COL5A1: variants seen among roughly 807,000 people sequenced by gnomAD.
COL5A1 encodes collagen alpha-1(V) chain.
A neutral mutation model predicts 263.7 loss-of-function variants in COL5A1; 16 were observed. That is an observed-to-expected ratio of 0.06 (90% confidence interval 0.04 to 0.09). COL5A1 has a LOEUF of 0.09. Among genes scored for constraint, COL5A1 ranks in the 10% least tolerant of loss-of-function variants. The pLI is 1.00. For synonymous variants in COL5A1, 1,012 were observed against 1,004.5 expected, an observed-to-expected ratio of 1.01 and a Z score of -0.14; for missense variants, 2,036 against 2,540.5, an observed-to-expected ratio of 0.80 and a Z score of 4.27.
Position 134,821,784 on chromosome 9 carries a change from C to A in COL5A1, c.4555-313C>A, listed in dbSNP as rs1178247023. Among the ~76,000 whole-genome samples, 1 of 152,202 alleles carries A rather than the reference C, an allele frequency of 6.6e-6. No individual in the cohort carries two copies. The highest frequency in any genetic ancestry group is 1.9e-4 in the East Asian group (1 of 5,188). On this transcript the variant is annotated intron_variant, in intron 58 of 65. Transcript: ENST00000371817. This position sits in a 1 kb window ranked among gnomAD's most constrained non-coding sequence, Gnocchi z 4.2. Reference sequence around the variant, plus strand: ...TGTCAGGGCAGTGGTTTCTGTATTTCCAAATGAACGTGAAAAGAGGTGCTC... The same window carrying A: ...TGTCAGGGCAGTGGTTTCTGTATTTACAAATGAACGTGAAAAGAGGTGCTC...
chr9:134,679,358 A>G (rs1341001870), intron 1 of COL5A1, among the ~76,000 whole-genome samples: 102 of 37,690 alleles, frequency 2.7e-3, no homozygotes, highest in Middle Eastern at 0.019. Context: ...CTGCAGAGCT[A>G]GTTGGGGGCA....
chr9:134,777,607 A>G (rs914469876), intron 27 of COL5A1, among the ~76,000 whole-genome samples: 2 of 152,072 alleles, frequency 1.3e-5, no homozygotes, highest in African/African-American at 4.8e-5. Context: ...AGTTGGTCCC[A>G]TTCCTCCGAT....
At chr9:134,753,802 TC>T (rs1490435076) in intron 14 of COL5A1, 47 bp from the exon 15 acceptor site, 2 of 1,309,698 alleles carry the variant, frequency 1.5e-6, no homozygotes, top group Non-Finnish European at 2.2e-6. Flanking sequence ...TCCTGTGTTC[TC>T]GAGTCCCCAC....
At chr9:134,768,018 G>A (rs1836737107) in intron 24 of COL5A1, among the ~76,000 whole-genome samples, 1 of 152,224 alleles carries the variant, frequency 6.6e-6, no homozygotes, top group Non-Finnish European at 1.5e-5. Context: ...AGGATGCCCT[G>A]CCCTGCCCTG....
intron 4 of COL5A1, among the ~76,000 whole-genome samples, chr9:134,721,333 TC>T (rs1430321621): frequency 7.1e-6 from 1 of 140,294 alleles, no homozygotes; most frequent in Non-Finnish European, 1.5e-5. Flanking sequence ...CCCTGTAACC[TC>T]CCCATAGTAC....
In COL5A1 at chr9:134,652,299, G is replaced by A. The variant is rs375857587; in HGVS notation, c.109+10003G>A. On this transcript the variant is annotated intron_variant, in intron 1 of 65. Transcript: ENST00000371817. The surrounding 1 kb of genome is among the most constrained non-coding windows in gnomAD (Gnocchi z 4.4). Reference sequence around the variant, plus strand: ...CAGGGCGTCCTTGGGCCGGTGTGGCGGTAACAGTGAGCTGGTGACAGCAGG... The same window carrying A: ...CAGGGCGTCCTTGGGCCGGTGTGGCAGTAACAGTGAGCTGGTGACAGCAGG... Among the ~76,000 whole-genome samples the A allele has an allele frequency of 6.6e-6, 1 of 151,920 alleles. No individual in the cohort carries two copies. Among genetic ancestry groups the A allele is most frequent in the Admixed American group, 6.6e-5 (1 of 15,256 alleles).
chr9:134,785,907 G>A, intron 30 of COL5A1, 88 bp from the exon 31 acceptor site: 1 of 1,269,024 alleles, frequency 7.9e-7, no homozygotes, highest in Non-Finnish European at 1.1e-6. Context: ...CCAGGCCCCT[G>A]CCAGAACGCA....
chr9:134,761,134 C>T (rs1282112839), intron 18 of COL5A1, among the ~76,000 whole-genome samples: 1 of 151,246 alleles, frequency 6.6e-6, no homozygotes, highest in Non-Finnish European at 1.5e-5. Flanking sequence ...CTCATACCCC[C>T]ACATGCATAC....
At chr9:134,650,140 A>T (rs1831625167) in intron 1 of COL5A1, among the ~76,000 whole-genome samples, 1 of 152,222 alleles carries the variant, frequency 6.6e-6, no homozygotes. Flanking sequence ...CCTGTGTAAC[A>T]AACCTGTGCG....
chr9:134,719,185 C>G (rs1336268618), intron 4 of COL5A1, among the ~76,000 whole-genome samples: 22 of 152,224 alleles, frequency 1.4e-4, no homozygotes. Flanking sequence ...GTGCCACACA[C>G]ATGCATACCT....
intron 4 of COL5A1, among the ~76,000 whole-genome samples, chr9:134,714,877 G>A (rs3124296): frequency 6.9e-6 from 1 of 144,862 alleles, no homozygotes; most frequent in African/African-American, 2.6e-5. Context: ...GATGGTAGTG[G>A]TGGTGATGCT....
chr9:134,768,065 G>T (rs966885522), intron 24 of COL5A1, among the ~76,000 whole-genome samples: 21 of 152,222 alleles, frequency 1.4e-4, no homozygotes, highest in African/African-American at 4.8e-4. Flanking sequence ...GGACAGGGTG[G>T]TGGGAGCACT....
chr9:134,733,326 T>C (rs1834973026), intron 9 of COL5A1, among the ~76,000 whole-genome samples: 1 of 152,196 alleles, frequency 6.6e-6, no homozygotes, highest in African/African-American at 2.4e-5. Flanking sequence ...GCAGACGGGA[T>C]GTGTCCCATC....
chr9:134,780,123 C>A lies in COL5A1; in HGVS notation c.2407C>A (p.Leu803Met). 1.2e-6 allele frequency: 2 copies of A among 1,613,464 alleles called. No homozygotes were observed. Among genetic ancestry groups the A allele is most frequent in the Non-Finnish European group, 1.7e-6 (2 of 1,180,036 alleles). Residue 803 changes from leucine to methionine, a missense_variant, in exon 28 of 66, where the codon CTG becomes ATG. Coordinates refer to ENST00000371817, the MANE Select transcript of COL5A1 (RefSeq NM_000093.5). Reference sequence around the variant, plus strand: ...ACAGGGGGCCGATGGCATCCGTGGTCTGAAGGGCACAAAGGGCGAGAAGGT... The same window carrying A: ...ACAGGGGGCCGATGGCATCCGTGGTATGAAGGGCACAAAGGGCGAGAAGGT... The part of the protein sequence containing the change: ...GVKGADGIRG[L>M]KGTKGEKGED...
intron 2 of COL5A1, 69 bp downstream of exon 2, chr9:134,691,148 C>T (rs1269501194): frequency 3.0e-5 from 47 of 1,591,984 alleles, no homozygotes; most frequent in Non-Finnish European, 3.5e-5. Context: ...CCAGGAGCAG[C>T]GCTCAAGCCT....
At chr9:134,674,711 C>T (rs1040361295) in intron 1 of COL5A1, among the ~76,000 whole-genome samples, 3 of 152,106 alleles carry the variant, frequency 2.0e-5, no homozygotes, top group African/African-American at 7.2e-5. Flanking sequence ...CGTGGCAAAA[C>T]CCTGTCTCTA....
Position 134,798,533 on chromosome 9 carries a change from G to C in COL5A1, c.2952+72G>C. The C allele has an allele frequency of 4.2e-6, 6 of 1,435,752 alleles. No individual in the cohort carries two copies. In the South Asian group the frequency reaches 6.9e-5, roughly 16 times the overall value. The allele number at this position is 1,435,752 out of a possible 1,614,324, so 88.9% of individuals were successfully genotyped here. On this transcript the variant is annotated intron_variant, in intron 37 of 65. Transcript: ENST00000371817. The stretch of plus-strand genomic sequence containing the variant: ...CACCCTGCACGTGGGCACAGCCCTC[G>C]CTGCCCAGCGCCATCTAGGACCCTC...
At chr9:134,766,647 T>G in intron 22 of COL5A1, 149 bp downstream of exon 22, 1 of 776,890 alleles carries the variant, frequency 1.3e-6, no homozygotes, top group African/African-American at 1.7e-5. Flanking sequence ...CACCCTCCAG[T>G]GGTGAGTGGC....
chr9:134,749,651 C>A (rs548793535), intron 11 of COL5A1, among the ~76,000 whole-genome samples: 1 of 152,268 alleles, frequency 6.6e-6, no homozygotes, highest in East Asian at 1.9e-4. Context: ...GTTGCTGATT[C>A]GGAAGACTGC....
Sources: gnomAD v4.1 joint callset for allele counts (sites outside exome capture counted in the v4.1 genomes callset) on GRCh38, gnomAD v4.1.1 for gene constraint, Gnocchi (gnomAD v3.1) non-coding constraint, MANE v1.5 for transcripts, NCBI Gene and HGNC (gene_info 2026-07-23, HGNC 2026-07-21) for gene names.